The following HSPA4 variants were observed in gnomAD, a reference collection of about 807,000 sequenced individuals.
HSPA4 encodes heat shock protein family A (Hsp70) member 4.
HSPA4 carries 25 observed loss-of-function variants against 106.2 expected under a neutral mutation model. The observed-to-expected ratio is 0.24, with a 90% CI of 0.17 to 0.33. The LOEUF (loss-of-function observed/expected upper bound fraction) is 0.33. HSPA4 is among the 10% of genes least tolerant of loss of function. The pLI, the probability that HSPA4 is intolerant of heterozygous loss-of-function variation, is 1.00. For missense variants in HSPA4, 841 were observed against 996.0 expected (o/e 0.84, Z 2.10); for synonymous variants, 332 against 333.6 (o/e 1.00, Z 0.05).
intron 10 of HSPA4, 49 bp from the exon 11 acceptor site, chr5:133,089,512 AG>A (rs769598750): frequency 6.4e-7 from 1 of 1,561,756 alleles, no homozygotes; most frequent in South Asian, 1.1e-5. Context: ...CATGGGTAAA[AG>A]TGTTAGGAAT....
intron 7 of HSPA4, among the ~76,000 whole-genome samples, chr5:133,083,273 C>T (rs1476387386): frequency 3.3e-5 from 5 of 152,048 alleles, no homozygotes; most frequent in African/African-American, 1.2e-4. Flanking sequence ...GATCGTGCCA[C>T]TGCACTCCAG....
intron 5 of HSPA4, among the ~76,000 whole-genome samples, chr5:133,073,708 A>G (rs1426446558): frequency 6.6e-6 from 1 of 152,222 alleles, no homozygotes; most frequent in Non-Finnish European, 1.5e-5. Context: ...GCATAGGGGT[A>G]GAAAAGATCC....
In HSPA4 at chr5:133,074,139, T is replaced by G. The variant is rs1175314424; in HGVS notation, c.663+13T>G. 3.8e-6 allele frequency: 6 copies of G among 1,562,602 alleles called. No individual in the cohort carries two copies. Among genetic ancestry groups the G allele is most frequent in the Non-Finnish European group, 5.2e-6 (6 of 1,154,362 alleles). On this transcript the variant is annotated intron_variant, in intron 6 of 18. Transcript: ENST00000304858. ...AGGAAAACTGAAAGTAAGTATATATTTTTTTTCCAGAAGACTGTTAGTAGT... is the reference window on the plus strand; with the variant it reads ...AGGAAAACTGAAAGTAAGTATATATGTTTTTTCCAGAAGACTGTTAGTAGT...
rs76127701 is a variant in HSPA4 at position 133,101,166 on chromosome 5, T to A, written c.2038-593T>A. On this transcript the variant is annotated intron_variant, in intron 16 of 18. Transcript: ENST00000304858. ...CAAGTTCCAGTTATTTCATAAATGATTTTTTTGTTTGAATCAGTATCCGTA... is the reference window on the plus strand; with the variant it reads ...CAAGTTCCAGTTATTTCATAAATGAATTTTTTGTTTGAATCAGTATCCGTA... 1.1e-4 allele frequency among the ~76,000 whole-genome samples: 16 copies of A among 152,332 alleles called. No homozygotes were observed. In the East Asian group the frequency reaches 2.7e-3, roughly 26 times the overall value.
At chr5:133,052,681 C>T in intron 1 of HSPA4, 1 of 288,692 alleles carries the variant, frequency 3.5e-6, no homozygotes, top group Middle Eastern at 9.7e-4. Flanking sequence ...GATCGCGGTC[C>T]TTTTCTTGAG....
chr5:133,079,148 C>A (rs1483756261), intron 7 of HSPA4, among the ~76,000 whole-genome samples: 1 of 152,104 alleles, frequency 6.6e-6, no homozygotes, highest in Non-Finnish European at 1.5e-5. Flanking sequence ...AGGTGAAATT[C>A]AAGTATCATA....
chr5:133,081,197 G>A (rs1300794388), intron 7 of HSPA4, among the ~76,000 whole-genome samples: 4 of 152,080 alleles, frequency 2.6e-5, no homozygotes, highest in African/African-American at 9.7e-5. Context: ...ACAGGTGGGG[G>A]CCACCACGCC....
intron 2 of HSPA4, among the ~76,000 whole-genome samples, chr5:133,066,736 C>CTTTT (rs58483780): frequency 5.4e-4 from 70 of 129,426 alleles, no homozygotes; most frequent in Non-Finnish European, 8.8e-4. Flanking sequence ...TTTCTTTTTT[C>CTTTT]TTTTTTTTTT....
rs773711727 is a variant in HSPA4, at chr5:133,070,396, G to A, written c.329G>A (p.Arg110Gln). The part of the protein sequence containing the change: ...GIKVTYMEEE[R>Q]NFTTEQVTAM... The stretch of plus-strand genomic sequence containing the variant: ...CAGGTGACATATATGGAGGAAGAGC[G>A]AAATTTTACCACTGAGCAAGTGACT... The change falls in exon 4 of 19, where the codon CGA (arginine) becomes CAA (glutamine). Residue 110 changes from arginine (R) to glutamine (Q), a missense_variant. By Grantham distance (43) the Arg-to-Gln change is conservative. Transcript: ENST00000304858. The A allele has an allele frequency of 1.9e-5, 31 of 1,610,716 alleles. No individual in the cohort carries two copies. In the South Asian group the frequency reaches 2.3e-4, roughly 12 times the overall value.
rs1326292095 is a variant in HSPA4 at position 133,106,116 on chromosome 5, T to G, written c.*1680T>G. 9.8e-3 allele frequency: 547 copies of G among 55,642 alleles called. 54 individuals are homozygous for G. The highest frequency in any genetic ancestry group is 0.05 in the African/African-American group (491 of 9,806). 3.4% of individuals were successfully genotyped at this position (55,642 alleles called of 1,614,324 possible). A position where few individuals can be genotyped will look rare whatever the true frequency, so the allele number is the denominator to read the frequency against. On this transcript the variant is annotated 3_prime_UTR_variant, in exon 19 of 19. Transcript: ENST00000304858. Reference sequence around the variant, plus strand: ...AAAAAAAAAAAATTTTTTTTTTTTTTTTTTTTTTTTTTTTTTTTTTTTTTG... The same window carrying G: ...AAAAAAAAAAAATTTTTTTTTTTTTGTTTTTTTTTTTTTTTTTTTTTTTTG...
intron 7 of HSPA4, among the ~76,000 whole-genome samples, chr5:133,083,701 C>T (rs1295447880): frequency 6.6e-6 from 1 of 152,028 alleles, no homozygotes; most frequent in Non-Finnish European, 1.5e-5. Flanking sequence ...CCACACCCAG[C>T]TAATTTTGTA....
At chr5:133,052,407 T>C in intron 1 of HSPA4, 50 bp downstream of exon 1, 2 of 1,230,572 alleles carry the variant, frequency 1.6e-6, no homozygotes, top group Admixed American at 2.4e-5. Flanking sequence ...GAGATAATGC[T>C]TGTTCCAGTC....
In HSPA4 at chr5:133,104,375, G is replaced by A; in HGVS notation, c.2462G>A (p.Gly821Asp). 6.2e-7 allele frequency: 1 copy of A among 1,614,184 alleles called. No homozygotes were observed. Among genetic ancestry groups the A allele is most frequent in the Non-Finnish European group, 8.5e-7 (1 of 1,180,032 alleles). Residue 821 changes from glycine to aspartate, a missense_variant, in exon 19 of 19, where the codon GGT becomes GAT. This residue lies in a region of HSPA4 where 328 missense variants were observed against 372.2 expected (regional missense o/e 0.88). Transcript: ENST00000304858. ...CCAGGCCCCCAGGCTGCTGAGCAGG[G>A]TACAGACACAGCTGTGCCTTCGGAT... Reference protein sequence around the residue: ...DNPGPQAAEQGTDTAVPSDSD... With the variant: ...DNPGPQAAEQDTDTAVPSDSD...
At chr5:133,088,907 G>A (rs1453402488) in intron 9 of HSPA4, 148 bp from the exon 10 acceptor site, 4 of 499,824 alleles carry the variant, frequency 8.0e-6, no homozygotes, top group East Asian at 6.2e-5. Flanking sequence ...ATAGAAGTTT[G>A]TAAAACTGTT....
intron 13 of HSPA4, among the ~76,000 whole-genome samples, chr5:133,094,062 A>G (rs1041922327): frequency 3.9e-5 from 6 of 152,208 alleles, no homozygotes; most frequent in African/African-American, 1.4e-4. Flanking sequence ...ACTGCACTCC[A>G]ATTTGGGCGA....
chr5:133,080,581 T>C (rs1248794134), intron 7 of HSPA4, among the ~76,000 whole-genome samples: 1 of 152,016 alleles, frequency 6.6e-6, no homozygotes, highest in Non-Finnish European at 1.5e-5. Context: ...TTTCTTGAAT[T>C]ATGTTTTCTA....
At chr5:133,076,958 C>T in intron 7 of HSPA4, 60 bp downstream of exon 7, 4 of 1,361,526 alleles carry the variant, frequency 2.9e-6, no homozygotes. Flanking sequence ...CATATATTAA[C>T]CTTTAATTGG....
At position 133,072,392 on chromosome 5, in the gene HSPA4, GTT is replaced by G. The variant is rs748459297; in HGVS notation, c.430-816_430-815del. On this transcript the variant is annotated intron_variant, in intron 4 of 18. Coordinates refer to ENST00000304858, the MANE Select transcript of HSPA4 (RefSeq NM_002154.4). The stretch of plus-strand genomic sequence containing the variant: ...GTTCTGCCTAGCCTGGTCCAGGGTT[GTT>G]TTTTTTTTTTTTTTTTTTTTTGGAG... Among the ~76,000 whole-genome samples, 128 of 75,724 alleles carry G rather than the reference GTT, an allele frequency of 1.7e-3. 1 individual carries two copies. Among genetic ancestry groups the G allele is most frequent in the African/African-American group, 6.3e-3 (119 of 18,860 alleles). 49.7% of individuals were successfully genotyped at this position (75,724 alleles called of 152,430 possible).
At chr5:133,083,576 T>G (rs1298792076) in intron 7 of HSPA4, among the ~76,000 whole-genome samples, 1 of 152,090 alleles carries the variant, frequency 6.6e-6, no homozygotes, top group East Asian at 1.9e-4. Context: ...TTGCTCTTGT[T>G]GCCCAGGCTG....
Sources: allele counts gnomAD v4.1 joint callset (sites outside exome capture counted in the v4.1 genomes callset), GRCh38; gene constraint gnomAD v4.1.1; regional missense constraint gnomAD v4.1.1; transcripts MANE v1.5; gene names NCBI Gene and HGNC (gene_info 2026-07-23, HGNC 2026-07-21).